The following CCDC180 variants were observed in gnomAD, a reference collection of about 807,000 sequenced individuals.
CCDC180 encodes the protein coiled-coil domain containing 180, also known as coiled-coil domain-containing protein 180.
In CCDC180, 154 loss-of-function variants were observed where a neutral mutation model predicts 209.2. The observed-to-expected ratio is 0.74, with a 90% confidence interval of 0.65 to 0.84. The LOEUF is 0.84. Ranked by LOEUF, CCDC180 falls within the 40% of genes least tolerant of loss-of-function variation. CCDC180 has a pLI of 0.00. For synonymous variants in CCDC180, 778 were observed against 749.1 expected, an observed-to-expected ratio of 1.04 and a Z score of -0.63; for missense variants, 1,874 against 1,997.3, an observed-to-expected ratio of 0.94 and a Z score of 1.18.
At chr9:97,329,844 G>A (rs187061108) in intron 16 of CCDC180, among the ~76,000 whole-genome samples, 81 of 152,188 alleles carry the variant, frequency 5.3e-4, no homozygotes, top group Admixed American at 3.2e-3. Context: ...CGAGGCGGGC[G>A]GATCACGAGG....
chr9:97,320,198 G>A lies in CCDC180; in HGVS notation c.1152G>A (p.Lys384=). 6.2e-7 allele frequency: 1 copy of A among 1,614,062 alleles called. No homozygotes were observed. The highest frequency in any genetic ancestry group is 8.5e-7 in the Non-Finnish European group (1 of 1,179,920). The change falls in exon 11 of 37, where the codon AAG becomes AAA. Residue 384 remains lysine, a synonymous_variant. Coordinates refer to ENST00000529487, the MANE Select transcript of CCDC180 (RefSeq NM_020893.6). ...ATTCTTCCCTCAACTCCCTGAACAA[G>A]GAGCTAGGTGAGTGACGTCTGCAGG... The part of the protein sequence containing the change: ...EWHSSLNSLN[K]ELDTYHVDCM...
chr9:97,341,374 A>G (rs1826075082), intron 18 of CCDC180, among the ~76,000 whole-genome samples: 1 of 152,120 alleles, frequency 6.6e-6, no homozygotes. Context: ...GCTGGACCCT[A>G]CAGTTGATGT....
In CCDC180 at chr9:97,343,322, G is replaced by T. The variant is rs1383758924; in HGVS notation, c.2275-18G>T. ...ATTTGATGATATCAAGTCAACTTTA[G>T]TGTTATTGCCTGCTTAGGAAGAAGA... On this transcript the variant is annotated intron_variant, in intron 18 of 36. Transcript: ENST00000529487. 6.7e-7 allele frequency: 1 copy of T among 1,502,908 alleles called. No homozygotes were observed. The highest frequency in any genetic ancestry group is 1.4e-5 in the African/African-American group (1 of 72,710). 93.1% of individuals were successfully genotyped at this position (1,502,908 alleles called of 1,614,324 possible). A position where few individuals can be genotyped will look rare whatever the true frequency, so the allele number is the denominator to read the frequency against.
Position 97,314,913 on chromosome 9 carries a change from C to T in CCDC180, c.762C>T (p.Pro254=), listed in dbSNP as rs138079969. 299 of 1,614,042 alleles carry T rather than the reference C, an allele frequency of 1.9e-4. No individual in the cohort carries two copies. The highest frequency in any genetic ancestry group is 4.8e-4 in the Admixed American group (29 of 60,024). ...VIEKTSYLMR[P]EVYRLINEEA... ...AGAAAACTTCCTACCTCATGCGGCC[C>T]GAAGTGTACAGGCTGATAAATGAAG... The change falls in exon 8 of 37, where the codon CCC becomes CCT. Residue 254 remains proline (P), a synonymous_variant. Coordinates refer to ENST00000529487, the MANE Select transcript of CCDC180 (RefSeq NM_020893.6).
chr9:97,308,844 C>G (rs1020934846), intron 2 of CCDC180, among the ~76,000 whole-genome samples: 1 of 152,222 alleles, frequency 6.6e-6, no homozygotes, highest in Non-Finnish European at 1.5e-5. Flanking sequence ...TGATCCTGCT[C>G]TCTCTAAGGC....
chr9:97,376,908 C>T lies in CCDC180; in HGVS notation c.*14C>T. On this transcript the variant is annotated 3_prime_UTR_variant, in exon 37 of 37. Transcript: ENST00000529487. ...CTGTATGTGTGACCCTCCGCCCCAC[C>T]ATGAATAAACACTTTCTTATACAGA... is the stretch of plus-strand genomic sequence containing the variant. 6.2e-7 allele frequency: 1 copy of T among 1,606,448 alleles called. No individual in the cohort carries two copies. Among genetic ancestry groups the T allele is most frequent in the South Asian group, 1.1e-5 (1 of 90,468 alleles).
chr9:97,324,008 A>C (rs73559881), intron 13 of CCDC180, 105 bp downstream of exon 13: 1 of 1,344,518 alleles, frequency 7.4e-7, no homozygotes, highest in East Asian at 2.7e-5. Flanking sequence ...GCATGTTCCT[A>C]GTGTGTCCGC....
chr9:97,346,045 T>C (rs1826254206), intron 19 of CCDC180, among the ~76,000 whole-genome samples: 1 of 152,230 alleles, frequency 6.6e-6, no homozygotes, highest in Admixed American at 6.5e-5. Flanking sequence ...GATTTTTTGT[T>C]TACGGTGTGA....
intron 35 of CCDC180, among the ~76,000 whole-genome samples, chr9:97,375,109 G>A (rs1265938430): frequency 6.6e-6 from 1 of 152,190 alleles, no homozygotes; most frequent in African/African-American, 2.4e-5. Context: ...CAGAAGTGGT[G>A]TTCAGGGCAT....
At chr9:97,317,283 G>T in intron 9 of CCDC180, 55 bp downstream of exon 9, 2 of 1,424,494 alleles carry the variant, frequency 1.4e-6, no homozygotes, top group Admixed American at 2.7e-5. Flanking sequence ...CTGGCAAAGG[G>T]TAGGGGCGGC....
rs767799855 is a variant in CCDC180, at chr9:97,343,435, C to T, written c.2370C>T (p.Pro790=). The part of the protein sequence containing the change: ...SSGNTYFVFV[P]LEEEHCRKSH... The stretch of plus-strand genomic sequence containing the variant: ...GAAACACTTATTTTGTCTTTGTACC[C>T]CTGGAAGAAGAGCATTGTAGGAAGT... The change falls in exon 19 of 37, where the codon CCC becomes CCT. Residue 790 remains proline (P), a synonymous_variant. Coordinates refer to ENST00000529487, the MANE Select transcript of CCDC180 (RefSeq NM_020893.6). The T allele has an allele frequency of 1.2e-6, 2 of 1,613,550 alleles. No homozygotes were observed. The highest frequency in any genetic ancestry group is 1.7e-6 in the Non-Finnish European group (2 of 1,179,684).
intron 3 of CCDC180, among the ~76,000 whole-genome samples, chr9:97,311,253 C>T (rs887674116): frequency 6.6e-6 from 1 of 152,196 alleles, no homozygotes; most frequent in Non-Finnish European, 1.5e-5. Context: ...TCAGCTCCTA[C>T]AGGGCTGCCT....
chr9:97,323,651 T>C, intron 12 of CCDC180, 130 bp from the exon 13 acceptor site: 1 of 1,132,492 alleles, frequency 8.8e-7, no homozygotes, highest in East Asian at 2.7e-5. Flanking sequence ...GGAACAGAAT[T>C]CATGGGGTGC....
chr9:97,365,700 C>T lies in CCDC180; in HGVS notation c.4008C>T (p.Leu1336=), dbSNP rs566889596. ...AEDFKGIILT[L]LWESSENLLT... is the part of the protein sequence containing the mutation. ...ATTTTAAGGGGATCATCTTGACCCT[C>T]CTCTGGGAGAGCAGTGAGAACCTGC... is the stretch of plus-strand genomic sequence containing the variant. Residue 1336 remains leucine, a synonymous_variant, in exon 30 of 37, where the codon CTC becomes CTT. Coordinates refer to ENST00000529487, the MANE Select transcript of CCDC180 (RefSeq NM_020893.6). 3 of 1,614,152 alleles carry T rather than the reference C, an allele frequency of 1.9e-6. No individual in the cohort carries two copies. The highest frequency in any genetic ancestry group is 1.1e-5 in the South Asian group (1 of 91,084).
At chr9:97,350,224 C>T (rs1587820034) in intron 21 of CCDC180, among the ~76,000 whole-genome samples, 185 bp from the exon 22 acceptor site, 1 of 151,864 alleles carries the variant, frequency 6.6e-6, no homozygotes, top group South Asian at 2.1e-4. Context: ...CCTATCACCA[C>T]CTGCCCCTCC....
chr9:97,327,927 C>A, intron 15 of CCDC180, 93 bp from the exon 16 acceptor site: 1 of 1,411,088 alleles, frequency 7.1e-7, no homozygotes, highest in African/African-American at 1.4e-5. Context: ...AGCAGCTCTA[C>A]ACAGAGTTGT....
chr9:97,310,639 T>C (rs1241589616), intron 3 of CCDC180, among the ~76,000 whole-genome samples: 1 of 152,164 alleles, frequency 6.6e-6, no homozygotes, highest in African/African-American at 2.4e-5. Context: ...GACTCTGAGA[T>C]AGAAAGCAGG....
At chr9:97,358,324 T>A (rs1826647322) in intron 25 of CCDC180, among the ~76,000 whole-genome samples, 1 of 152,070 alleles carries the variant, frequency 6.6e-6, no homozygotes, top group African/African-American at 2.4e-5. Flanking sequence ...TTTCACCATG[T>A]TAGCCAGGCT....
Position 97,343,464 on chromosome 9 carries a change from A to T in CCDC180, c.2399A>T (p.His800Leu), listed in dbSNP as rs1251253097. 6.2e-7 allele frequency: 1 copy of T among 1,614,178 alleles called. No individual in the cohort carries two copies. Among genetic ancestry groups the T allele is most frequent in the Non-Finnish European group, 8.5e-7 (1 of 1,179,998 alleles). Residue 800 changes from histidine (H) to leucine (L), a missense_variant, in exon 19 of 37, where the codon CAT (histidine) becomes CTT (leucine). His to Leu is a moderately conservative substitution (Grantham distance 99). Transcript: ENST00000529487. ...PLEEEHCRKSHSTFSAMFIND... is the reference protein window; with the variant it reads ...PLEEEHCRKSLSTFSAMFIND... ...GAAGAAGAGCATTGTAGGAAGTCCC[A>T]TTCCACCTTCTCAGCCATGTTCATC...
Sources: allele counts gnomAD v4.1 joint callset (sites outside exome capture counted in the v4.1 genomes callset), GRCh38; gene constraint gnomAD v4.1.1; transcripts MANE v1.5; gene names NCBI Gene and HGNC (gene_info 2026-07-23, HGNC 2026-07-21).